KATNAL2: variants seen among roughly 807,000 people sequenced by gnomAD.
The protein encoded by KATNAL2 is katanin catalytic subunit A1 like 2.
A neutral mutation model predicts 76.3 loss-of-function variants in KATNAL2; 52 were observed. The observed-to-expected ratio is 0.68, with a 90% confidence interval of 0.55 to 0.86. The LOEUF is 0.86. KATNAL2 is among the 40% of genes least tolerant of loss of function. KATNAL2 has a pLI of 0.00. For missense variants in KATNAL2, 660 were observed against 668.9 expected, an observed-to-expected ratio of 0.99 and a Z score of 0.15; for synonymous variants, 243 against 244.2, an observed-to-expected ratio of 1.00 and a Z score of 0.05.
At chr18:46,924,254 A>G (rs1422531091) in intron 1 of KATNAL2, among the ~76,000 whole-genome samples, 2 of 152,212 alleles carry the variant, frequency 1.3e-5, no homozygotes, top group African/African-American at 4.8e-5. Context: ...ATTTTTGTAT[A>G]AGGTGTAAGG....
intron 3 of KATNAL2, among the ~76,000 whole-genome samples, chr18:46,967,437 C>T (rs1358386939): frequency 8.4e-6 from 1 of 119,630 alleles, no homozygotes. Context: ...CTCTCTCTAT[C>T]CCTCACTGTC....
At chr18:47,032,123 A>G (rs995662965) in intron 3 of KATNAL2, among the ~76,000 whole-genome samples, 1 of 152,230 alleles carries the variant, frequency 6.6e-6, no homozygotes, top group Non-Finnish European at 1.5e-5. Flanking sequence ...CCATTCTTTC[A>G]TAGGGGTTCT....
intron 15 of KATNAL2, 166 bp downstream of exon 15, chr18:47,077,627 C>A (rs1411967414): frequency 1.0e-5 from 6 of 586,508 alleles, no homozygotes; most frequent in Non-Finnish European, 1.8e-5. Context: ...GCTGTCTGTA[C>A]CACGAAAGAT....
At chr18:47,059,520 C>T (rs762666386) in intron 7 of KATNAL2, 36 bp from the exon 8 acceptor site, 1 of 1,443,196 alleles carries the variant, frequency 6.9e-7, no homozygotes, top group South Asian at 1.1e-5. Context: ...TCCATGGCTG[C>T]TCACAGCCGA....
chr18:47,070,494 G>A (rs551433940), intron 13 of KATNAL2, among the ~76,000 whole-genome samples: 1 of 152,214 alleles, frequency 6.6e-6, no homozygotes, highest in East Asian at 1.9e-4. Flanking sequence ...ATCTTCCAAT[G>A]ACATTAAGAG....
chr18:47,099,514 G>T, intron 16 of KATNAL2, 109 bp downstream of exon 16: 2 of 1,046,630 alleles, frequency 1.9e-6, no homozygotes, highest in South Asian at 3.6e-5. Flanking sequence ...CTTAGAATAA[G>T]ATCCAAGCTG....
At chr18:46,931,321 C>A (rs535137102) in intron 1 of KATNAL2, among the ~76,000 whole-genome samples, 2 of 150,284 alleles carry the variant, frequency 1.3e-5, no homozygotes, top group East Asian at 2.0e-4. Context: ...AGAAATAAAT[C>A]AAAATAAAAT....
Position 47,101,870 on chromosome 18 carries a change from C to T in KATNAL2, c.*865C>T, listed in dbSNP as rs1362078565. 6.6e-6 allele frequency: 1 copy of T among 152,196 alleles called. No individual in the cohort carries two copies. The highest frequency in any genetic ancestry group is 2.4e-5 in the African/African-American group (1 of 41,446). The allele number at this position is 152,196 out of a possible 1,614,324, so 9.4% of individuals were successfully genotyped here. A position where few individuals can be genotyped will look rare whatever the true frequency, so the allele number is the denominator to read the frequency against. The stretch of plus-strand genomic sequence containing the variant: ...GGGTTATAAACAACTAGACGCATCT[C>T]TCTCAGAAACCCACAATCCGAGGCA... On this transcript the variant is annotated 3_prime_UTR_variant, in exon 18 of 18. Transcript: ENST00000683218.
chr18:47,091,159 G>A (rs1286207887), intron 15 of KATNAL2: 1 of 152,242 alleles, frequency 6.6e-6, no homozygotes, highest in Non-Finnish European at 1.5e-5. Context: ...CAGGACGAGG[G>A]ACTTAGGAAG....
chr18:46,950,284 T>G (rs1286668845), intron 3 of KATNAL2, among the ~76,000 whole-genome samples: 5 of 152,216 alleles, frequency 3.3e-5, no homozygotes, highest in Admixed American at 6.5e-5. Context: ...GTATGCTCAC[T>G]GATGGTTTGA....
chr18:47,044,698 T>G lies in KATNAL2; in HGVS notation c.52-1759T>G, dbSNP rs534453577. On this transcript the variant is annotated intron_variant, in intron 3 of 17. Coordinates refer to ENST00000683218, the MANE Select transcript of KATNAL2 (RefSeq NM_001387690.1). ...ATTGCTTGAACCCGGGAGGCAGAGT[T>G]TGCAGTGATCGGAGATCATGCCACT... Among the ~76,000 whole-genome samples the G allele has an allele frequency of 2.8e-4, 42 of 151,150 alleles. No individual in the cohort carries two copies. In the South Asian group the frequency reaches 7.3e-3, roughly 26 times the overall value.
At chr18:47,061,739 C>G (rs2061638422) in intron 8 of KATNAL2, among the ~76,000 whole-genome samples, 1 of 152,178 alleles carries the variant, frequency 6.6e-6, no homozygotes, top group Admixed American at 6.5e-5. Context: ...TTCTCCAAGC[C>G]TCATTTCTCT....
intron 3 of KATNAL2, chr18:47,035,162 A>C: frequency 1.2e-6 from 2 of 1,612,036 alleles, no homozygotes; most frequent in Non-Finnish European, 1.7e-6. Context: ...GGCAAGGCGG[A>C]GAGTTTCTGC....
At chr18:47,075,742 C>T (rs1039002620) in intron 14 of KATNAL2, among the ~76,000 whole-genome samples, 13 of 152,176 alleles carry the variant, frequency 8.5e-5, no homozygotes, top group Non-Finnish European at 1.8e-4. Flanking sequence ...ATGAGTCTTG[C>T]CCACTCAGCC....
At chr18:47,034,375 A>C in intron 3 of KATNAL2, 1 of 1,614,032 alleles carries the variant, frequency 6.2e-7, no homozygotes, top group Non-Finnish European at 8.5e-7. Context: ...AGCCTCCTCC[A>C]AGGCAGGGAC....
intron 14 of KATNAL2, among the ~76,000 whole-genome samples, chr18:47,076,778 A>T (rs1277033464): frequency 6.9e-6 from 1 of 145,128 alleles, no homozygotes; most frequent in Admixed American, 7.0e-5. Flanking sequence ...TATTATGCTT[A>T]TAATATATAA....
At chr18:47,049,247 A>G (rs1402896442) in intron 4 of KATNAL2, among the ~76,000 whole-genome samples, 1 of 152,248 alleles carries the variant, frequency 6.6e-6, no homozygotes. Flanking sequence ...ATAGCTAAGT[A>G]TCAGGTAGAT....
chr18:47,032,986 C>T (rs764285748), intron 3 of KATNAL2: 5 of 1,613,948 alleles, frequency 3.1e-6, no homozygotes, highest in Non-Finnish European at 3.4e-6. Flanking sequence ...ATTTTATCTG[C>T]AAGGCAAGTC....
chr18:47,080,891 A>T (rs1363177548), intron 15 of KATNAL2, among the ~76,000 whole-genome samples: 1 of 151,894 alleles, frequency 6.6e-6, no homozygotes, highest in East Asian at 1.9e-4. Context: ...TTTATTATTG[A>T]GTTATAAGAC....
Sources: gnomAD v4.1 joint callset for allele counts (sites outside exome capture counted in the v4.1 genomes callset) on GRCh38, gnomAD v4.1.1 for gene constraint, MANE v1.5 for transcripts, NCBI Gene and HGNC (gene_info 2026-07-23, HGNC 2026-07-21) for gene names.